RBFOX1: variants seen among roughly 807,000 people sequenced by gnomAD.
RBFOX1 encodes RNA binding protein fox-1 homolog 1.
A neutral mutation model predicts 57.7 loss-of-function variants in RBFOX1; 8 were observed. That is an observed-to-expected ratio of 0.14 (90% CI 0.08 to 0.25). The LOEUF (loss-of-function observed/expected upper bound fraction) is 0.25, where lower values mean the gene tolerates loss of function less well. RBFOX1 is among the 10% of genes least tolerant of loss of function. The probability of loss-of-function intolerance (pLI) is 1.00; values close to 1 mark genes in which losing one functional copy is unlikely to be tolerated. For missense variants in RBFOX1, 611 were observed against 548.5 expected, an observed-to-expected ratio of 1.11 and a Z score of -1.14; for synonymous variants, 326 against 222.4, an observed-to-expected ratio of 1.47 and a Z score of -4.15.
At chr16:7,166,102 C>T (rs2079453401) in intron 4 of RBFOX1, among the ~76,000 whole-genome samples, 2 of 152,066 alleles carry the variant, frequency 1.3e-5, no homozygotes, top group Non-Finnish European at 2.9e-5. Context: ...TAACTTCTGC[C>T]TCCGGGATTC....
chr16:5,269,362 G>A (rs1471528782), intron 1 of RBFOX1, among the ~76,000 whole-genome samples: 1 of 152,206 alleles, frequency 6.6e-6, no homozygotes, highest in African/African-American at 2.4e-5. Context: ...CCTTGGAGAT[G>A]TGCCATATTT....
At chr16:5,500,434 G>C (rs147624206) in intron 2 of RBFOX1, among the ~76,000 whole-genome samples, 1 of 151,906 alleles carries the variant, frequency 6.6e-6, no homozygotes, top group African/African-American at 2.4e-5. Flanking sequence ...TGTTGCCCAG[G>C]CTGTCTTGAA....
intron 3 of RBFOX1, among the ~76,000 whole-genome samples, chr16:6,862,898 T>TC (rs35203374): frequency 0.2 from 30,669 of 150,820 alleles, 3,254 homozygotes; most frequent in East Asian, 0.28. Flanking sequence ...GGCAGGAGAA[T>TC]CACTTGAACC....
At chr16:6,483,958 C>A in intron 2 of RBFOX1, 1 of 1,043,936 alleles carries the variant, frequency 9.6e-7, no homozygotes, top group Non-Finnish European at 1.2e-6. Flanking sequence ...GGAGACTGTG[C>A]TCAGGGCTCG....
intron 4 of RBFOX1, among the ~76,000 whole-genome samples, chr16:7,404,145 C>G (rs1026204049): frequency 1.3e-5 from 2 of 151,560 alleles, no homozygotes; most frequent in Non-Finnish European, 2.9e-5. Context: ...CTCCACCTCC[C>G]AGGTTCAAGC....
chr16:7,709,310 C>T (rs962782556), intron 15 of RBFOX1, among the ~76,000 whole-genome samples, 179 bp downstream of exon 15: 1 of 152,176 alleles, frequency 6.6e-6, no homozygotes, highest in Non-Finnish European at 1.5e-5. Flanking sequence ...GTCTTAATTT[C>T]TTGGCAATGT....
chr16:6,795,676 G>A (rs2083848001), intron 3 of RBFOX1, among the ~76,000 whole-genome samples: 1 of 151,628 alleles, frequency 6.6e-6, no homozygotes, highest in Non-Finnish European at 1.5e-5. Flanking sequence ...TGAGGCAGGA[G>A]AATCGCTTGA....
rs868605553 is a variant in RBFOX1 at position 6,122,802 on chromosome 16, A to G, written c.-127+102810A>G. On this transcript the variant is annotated intron_variant, in intron 1 of 15. Coordinates refer to ENST00000550418, the MANE Select transcript of RBFOX1 (RefSeq NM_018723.4). ...ATGATCTGTGTGGCTATGTGTGTGT[A>G]TGTGTGTGTGTGTGTGTGTGTGTGT... Among the ~76,000 whole-genome samples, 180 of 147,854 alleles carry G rather than the reference A, an allele frequency of 1.2e-3. 1 individual carries two copies. The highest frequency in any genetic ancestry group is 1.1e-3 in the Non-Finnish European group (74 of 67,060).
chr16:6,395,758 C>G (rs539482265), intron 2 of RBFOX1, among the ~76,000 whole-genome samples: 3 of 152,032 alleles, frequency 2.0e-5, no homozygotes, highest in African/African-American at 7.2e-5. Context: ...AAATATATTT[C>G]AATAAAGCTG....
At chr16:6,534,618 G>T (rs188218390) in intron 2 of RBFOX1, among the ~76,000 whole-genome samples, 2 of 152,062 alleles carry the variant, frequency 1.3e-5, no homozygotes, top group Non-Finnish European at 2.9e-5. Context: ...TACACTAATC[G>T]TCACAAGACC....
intron 4 of RBFOX1, among the ~76,000 whole-genome samples, chr16:7,112,157 A>G (rs1215804707): frequency 6.6e-6 from 1 of 152,214 alleles, no homozygotes; most frequent in Non-Finnish European, 1.5e-5. Flanking sequence ...GAGAAAATTC[A>G]GAATCATACA....
Position 7,328,464 on chromosome 16 carries a change from C to T in RBFOX1, c.28-189683C>T, listed in dbSNP as rs1477560068. On this transcript the variant is annotated intron_variant, in intron 4 of 15. Coordinates refer to ENST00000550418, the MANE Select transcript of RBFOX1 (RefSeq NM_018723.4). ...CATTGCACTCTAGCCTGGGACAGAG[C>T]GAGACTCTGTCTCAAAAAAAAAAAA... is the stretch of plus-strand genomic sequence containing the variant. 8.1e-4 allele frequency among the ~76,000 whole-genome samples: 94 copies of T among 115,518 alleles called. 1 individual carries two copies. Among genetic ancestry groups the T allele is most frequent in the African/African-American group, 3.4e-3 (92 of 27,186 alleles). The allele number at this position is 115,518 out of a possible 152,430, so 75.8% of individuals were successfully genotyped here.
intron 4 of RBFOX1, among the ~76,000 whole-genome samples, chr16:7,220,266 G>A (rs943846254): frequency 3.9e-5 from 6 of 152,156 alleles, no homozygotes; most frequent in Non-Finnish European, 8.8e-5. Flanking sequence ...GTCAGTGGGC[G>A]TCTGGTCCTG....
chr16:5,540,181 C>T (rs1303696255), intron 2 of RBFOX1, among the ~76,000 whole-genome samples: 2 of 152,106 alleles, frequency 1.3e-5, no homozygotes, highest in Non-Finnish European at 2.9e-5. Context: ...TCTTAGACAC[C>T]ATGTGGCACT....
At chr16:5,836,806 C>T (rs2056473095) in intron 3 of RBFOX1, among the ~76,000 whole-genome samples, 1 of 152,116 alleles carries the variant, frequency 6.6e-6, no homozygotes, top group Non-Finnish European at 1.5e-5. Flanking sequence ...CCAAAAGTTG[C>T]CTGAAGGGGA....
Position 5,722,732 on chromosome 16 carries a change from A to G in RBFOX1, c.318+123771A>G, listed in dbSNP as rs17138441. Among the ~76,000 whole-genome samples the G allele has an allele frequency of 7.4e-3, 1,123 of 152,240 alleles. 14 individuals are homozygous for G. The highest frequency in any genetic ancestry group is 0.026 in the African/African-American group (1,064 of 41,556). On this transcript the variant is annotated intron_variant, in intron 3 of 19. Coordinates refer to the RBFOX1 transcript ENST00000641259. ...CCCAGCTTCAGGCTTCATGGATACC[A>G]TTCTATGCTTGTAATATTCCCTGCC...
At chr16:5,393,929 A>T (rs886100776) in intron 1 of RBFOX1, among the ~76,000 whole-genome samples, 1 of 151,830 alleles carries the variant, frequency 6.6e-6, no homozygotes, top group Non-Finnish European at 1.5e-5. Flanking sequence ...GTCTCTGTAA[A>T]CTTGACTCTT....
intron 14 of RBFOX1, among the ~76,000 whole-genome samples, chr16:7,702,150 A>C (rs911537760): frequency 1.3e-5 from 2 of 152,202 alleles, no homozygotes; most frequent in Admixed American, 6.5e-5. Context: ...CAGACCTTAC[A>C]ACCTGGGATT....
intron 1 of RBFOX1, among the ~76,000 whole-genome samples, chr16:6,157,241 T>C (rs535677075): frequency 6.6e-6 from 1 of 152,244 alleles, no homozygotes; most frequent in South Asian, 2.1e-4. Flanking sequence ...AATGTAGAGG[T>C]GATGATACAA....
Sources: allele counts gnomAD v4.1 joint callset (sites outside exome capture counted in the v4.1 genomes callset), GRCh38; gene constraint gnomAD v4.1.1; transcripts MANE v1.5; gene names NCBI Gene and HGNC (gene_info 2026-07-23, HGNC 2026-07-21).